The following ROR1 variants were observed in gnomAD, a reference collection of about 807,000 sequenced individuals.
ROR1 encodes the protein ROR family WNT receptor 1.
In ROR1, 19 loss-of-function variants were observed where a neutral mutation model predicts 78.8. That is an observed-to-expected ratio of 0.24 (90% confidence interval 0.17 to 0.35). ROR1 has a LOEUF of 0.35. Ranked by LOEUF, ROR1 falls within the 10% of genes least tolerant of loss-of-function variation. The probability of loss-of-function intolerance (pLI) is 1.00; values close to 1 mark genes in which losing one functional copy is unlikely to be tolerated. For missense variants in ROR1, 917 were observed against 1,177.8 expected (o/e 0.78, Z 3.24); for synonymous variants, 386 against 433.6 (o/e 0.89, Z 1.36).
intron 2 of ROR1, among the ~76,000 whole-genome samples, chr1:64,049,119 T>G (rs1169115414): frequency 6.6e-6 from 1 of 152,224 alleles, no homozygotes; most frequent in African/African-American, 2.4e-5. Flanking sequence ...TATGGAAATG[T>G]CCATTGCTTT....
chr1:63,904,207 T>C (rs997974953), intron 1 of ROR1, among the ~76,000 whole-genome samples: 6 of 152,182 alleles, frequency 3.9e-5, no homozygotes, highest in Admixed American at 3.3e-4. Context: ...GTGTGCTTTT[T>C]GTGGATTACG....
chr1:63,921,319 C>T (rs547309288), intron 1 of ROR1, among the ~76,000 whole-genome samples: 1 of 152,090 alleles, frequency 6.6e-6, no homozygotes, highest in Admixed American at 6.6e-5. Context: ...GTGGAGCCTG[C>T]GAGTTTGCAT....
intron 4 of ROR1, among the ~76,000 whole-genome samples, chr1:64,098,272 G>T (rs1647378633): frequency 6.6e-6 from 1 of 152,152 alleles, no homozygotes; most frequent in South Asian, 2.1e-4. Context: ...CCACCCAGAG[G>T]TAGGCTCCCT....
At chr1:63,981,660 A>C (rs1205883399) in intron 1 of ROR1, among the ~76,000 whole-genome samples, 1 of 152,070 alleles carries the variant, frequency 6.6e-6, no homozygotes, top group Non-Finnish European at 1.5e-5. Flanking sequence ...CTGGGCTGGA[A>C]GGTTCAGCTG....
intron 1 of ROR1, among the ~76,000 whole-genome samples, chr1:63,979,398 C>G (rs1465039144): frequency 1.3e-5 from 2 of 152,068 alleles, no homozygotes; most frequent in African/African-American, 4.8e-5. Flanking sequence ...CACCCAGGGA[C>G]TAGGAACTAG....
chr1:63,846,739 G>A (rs1415269282), intron 1 of ROR1, among the ~76,000 whole-genome samples: 1 of 152,214 alleles, frequency 6.6e-6, no homozygotes, highest in Non-Finnish European at 1.5e-5. Flanking sequence ...AGGAAGTGAT[G>A]TAAAGTTATA....
At chr1:63,787,601 A>G (rs925894658) in intron 1 of ROR1, among the ~76,000 whole-genome samples, 1 of 148,928 alleles carries the variant, frequency 6.7e-6, no homozygotes, top group African/African-American at 2.5e-5. Context: ...ATCTCAGCTC[A>G]CTACAACCTC....
At chr1:64,121,230 C>T (rs1648529165) in intron 4 of ROR1, among the ~76,000 whole-genome samples, 1 of 88,410 alleles carries the variant, frequency 1.1e-5, no homozygotes, top group African/African-American at 3.8e-5. Context: ...TTCCTCCTTT[C>T]CTCCTTCCTT....
At chr1:64,158,914 G>A in intron 7 of ROR1, 67 bp from the exon 8 acceptor site, 2 of 1,181,870 alleles carry the variant, frequency 1.7e-6, no homozygotes, top group South Asian at 1.3e-5. Context: ...TTTAAACTAT[G>A]CAATGTAATA....
intron 1 of ROR1, among the ~76,000 whole-genome samples, chr1:63,906,313 T>C (rs1645528191): frequency 6.6e-6 from 1 of 152,194 alleles, no homozygotes. Flanking sequence ...TCCTCTTTTG[T>C]AGAAAGCAAG....
At chr1:63,941,058 A>G (rs1216733588) in intron 1 of ROR1, among the ~76,000 whole-genome samples, 1 of 152,192 alleles carries the variant, frequency 6.6e-6, no homozygotes, top group Non-Finnish European at 1.5e-5. Flanking sequence ...TGAAAAGCAA[A>G]GGCTGAGGAA....
intron 5 of ROR1, among the ~76,000 whole-genome samples, 200 bp downstream of exon 5, chr1:64,137,696 A>T (rs897396932): frequency 2.6e-5 from 4 of 152,222 alleles, no homozygotes; most frequent in African/African-American, 9.6e-5. Flanking sequence ...TTAGAGGAAA[A>T]GGAAGCTTTG....
chr1:63,948,483 G>A lies in ROR1; in HGVS notation c.92-60822G>A, dbSNP rs991729203. On this transcript the variant is annotated intron_variant, in intron 1 of 8. Coordinates refer to ENST00000371079, the MANE Select transcript of ROR1 (RefSeq NM_005012.4). ...TGATACTTCCAGAGGGTATAAGCCA[G>A]ATATTTTTGTCTCATTTGCTCACCA... Among the ~76,000 whole-genome samples, 5 of 152,186 alleles carry A rather than the reference G, an allele frequency of 3.3e-5. No individual in the cohort carries two copies. The East Asian group carries it at 9.7e-4, about 29-fold the overall frequency.
At chr1:64,069,633 T>A (rs1017260073) in intron 4 of ROR1, among the ~76,000 whole-genome samples, 1 of 152,098 alleles carries the variant, frequency 6.6e-6, no homozygotes, top group Non-Finnish European at 1.5e-5. Context: ...AAGTAAAATG[T>A]TATTCTTTTA....
At chr1:63,853,793 A>G (rs1197869123) in intron 1 of ROR1, among the ~76,000 whole-genome samples, 1 of 152,256 alleles carries the variant, frequency 6.6e-6, no homozygotes, top group African/African-American at 2.4e-5. Context: ...AGGAAAAACT[A>G]TTAAACCAAG....
chr1:63,994,885 G>A (rs1003557089), intron 1 of ROR1, among the ~76,000 whole-genome samples: 1 of 151,410 alleles, frequency 6.6e-6, no homozygotes, highest in Admixed American at 6.6e-5. Context: ...GTGCACAGTA[G>A]CTTTGGTCGT....
intron 1 of ROR1, among the ~76,000 whole-genome samples, chr1:63,902,537 C>G (rs1364181843): frequency 6.6e-6 from 1 of 151,948 alleles, no homozygotes; most frequent in Non-Finnish European, 1.5e-5. Context: ...GATTCCCAGG[C>G]TGGTCTCGAA....
chr1:63,814,989 T>C (rs567148066), intron 1 of ROR1, among the ~76,000 whole-genome samples: 55 of 152,366 alleles, frequency 3.6e-4, no homozygotes, highest in African/African-American at 1.3e-3. Context: ...CTTTGCCCAG[T>C]TCTGTCCTGC....
chr1:63,918,112 C>G (rs72683074), intron 1 of ROR1, among the ~76,000 whole-genome samples: 1 of 152,148 alleles, frequency 6.6e-6, no homozygotes, highest in Non-Finnish European at 1.5e-5. Context: ...TCGGGTGCCC[C>G]GGCACCTGCC....
Sources: allele counts gnomAD v4.1 joint callset (sites outside exome capture counted in the v4.1 genomes callset), GRCh38; gene constraint gnomAD v4.1.1; transcripts MANE v1.5; gene names NCBI Gene and HGNC (gene_info 2026-07-23, HGNC 2026-07-21).